The following MSI2 variants were observed in gnomAD, a reference collection of about 807,000 sequenced individuals.
The protein encoded by MSI2 is musashi RNA binding protein 2.
A neutral mutation model predicts 45.6 loss-of-function variants in MSI2; 17 were observed. The observed-to-expected ratio is 0.37, with a 90% CI of 0.26 to 0.56. MSI2 has a LOEUF of 0.56. MSI2 is among the 20% of genes least tolerant of loss of function. The probability of loss-of-function intolerance (pLI) is 0.77; values close to 1 mark genes in which losing one functional copy is unlikely to be tolerated. For synonymous variants in MSI2, 156 were observed against 158.2 expected (o/e 0.99, Z 0.11); for missense variants, 293 against 444.2 (o/e 0.66, Z 3.06).
chr17:57,674,807 G>A (rs1913099875), intron 11 of MSI2, 165 bp from the exon 12 acceptor site: 1 of 1,010,680 alleles, frequency 9.9e-7, no homozygotes, highest in South Asian at 1.6e-5. Context: ...CATGGCCTTG[G>A]TTGAGTGTTA....
chr17:57,458,211 T>C (rs1054364394), intron 6 of MSI2, among the ~76,000 whole-genome samples: 3 of 151,692 alleles, frequency 2.0e-5, no homozygotes, highest in African/African-American at 7.3e-5. Flanking sequence ...CGCCATTCTC[T>C]TGCCTCAGCC....
intron 5 of MSI2, among the ~76,000 whole-genome samples, chr17:57,282,477 A>G (rs1181772850): frequency 6.6e-6 from 1 of 152,124 alleles, no homozygotes; most frequent in African/African-American, 2.4e-5. Context: ...TCTTGCTGAG[A>G]TGATAAAGAA....
chr17:57,622,425 C>T (rs961398224), intron 9 of MSI2, among the ~76,000 whole-genome samples: 3 of 152,212 alleles, frequency 2.0e-5, no homozygotes, highest in Non-Finnish European at 2.9e-5. Flanking sequence ...TTCTTGGCCT[C>T]GTTGGGCACA....
intron 6 of MSI2, among the ~76,000 whole-genome samples, chr17:57,517,940 A>C (rs2086504939): frequency 6.6e-6 from 1 of 152,176 alleles, no homozygotes; most frequent in African/African-American, 2.4e-5. Context: ...CATTCTAAAC[A>C]CACATTTTTT....
intron 8 of MSI2, among the ~76,000 whole-genome samples, chr17:57,613,775 G>T (rs1907404244): frequency 6.6e-6 from 1 of 152,198 alleles, no homozygotes; most frequent in Non-Finnish European, 1.5e-5. Context: ...GTTTTGGGAT[G>T]CTCATCTCTT....
chr17:57,304,837 C>T (rs184434755), intron 5 of MSI2, among the ~76,000 whole-genome samples: 233 of 152,252 alleles, frequency 1.5e-3, no homozygotes, highest in Non-Finnish European at 2.6e-3. Context: ...AACCTCTGGA[C>T]CCTCTCCTAA....
At chr17:57,424,777 T>C (rs944639458) in intron 6 of MSI2, among the ~76,000 whole-genome samples, 1 of 152,128 alleles carries the variant, frequency 6.6e-6, no homozygotes, top group African/African-American at 2.4e-5. Flanking sequence ...CCTCTGTGCC[T>C]GATGACTCTA....
At chr17:57,659,589 C>T (rs1911851377) in intron 11 of MSI2, among the ~76,000 whole-genome samples, 1 of 152,132 alleles carries the variant, frequency 6.6e-6, no homozygotes, top group Non-Finnish European at 1.5e-5. Flanking sequence ...GAGAGCAAGG[C>T]TTTGGTTAAA....
At chr17:57,367,672 CTACCTGCAAGG>C (rs911433926) in intron 5 of MSI2, among the ~76,000 whole-genome samples, 12 of 152,208 alleles carry the variant, frequency 7.9e-5, no homozygotes, top group African/African-American at 2.9e-4. Flanking sequence ...TCTTAAATCC[CTACCTGCAAGG>C]TACCCTTAAT....
At chr17:57,673,132 C>T (rs1000873055) in intron 11 of MSI2, among the ~76,000 whole-genome samples, 4 of 152,358 alleles carry the variant, frequency 2.6e-5, no homozygotes, top group Non-Finnish European at 4.4e-5. Context: ...GAGCCAGGCC[C>T]AGCTTGATTT....
chr17:57,360,548 C>T (rs1346435254), intron 5 of MSI2, among the ~76,000 whole-genome samples: 1 of 152,228 alleles, frequency 6.6e-6, no homozygotes, highest in East Asian at 1.9e-4. Context: ...AGCATCTCAA[C>T]TCATTTAATC....
chr17:57,674,566 A>T (rs1913080861), intron 11 of MSI2, among the ~76,000 whole-genome samples: 1 of 151,976 alleles, frequency 6.6e-6, no homozygotes, highest in Non-Finnish European at 1.5e-5. Flanking sequence ...CCAGATCTAG[A>T]AGACTGCATG....
At chr17:57,350,556 G>A (rs921573158) in intron 5 of MSI2, among the ~76,000 whole-genome samples, 8 of 152,052 alleles carry the variant, frequency 5.3e-5, no homozygotes, top group Non-Finnish European at 8.8e-5. Flanking sequence ...CCCCAGCAGG[G>A]TCATTTCTCC....
chr17:57,693,777 G>T, the MSI2 span, among the ~76,000 whole-genome samples: 1 of 152,152 alleles, frequency 6.6e-6, no homozygotes, highest in African/African-American at 2.4e-5. Flanking sequence ...CATGACTTTT[G>T]ATTGAAAGCA....
In MSI2 at chr17:57,280,473, CA is replaced by C. The variant is rs2143370103; in HGVS notation, c.312+18282del. On this transcript the variant is annotated intron_variant, in intron 5 of 13. Coordinates refer to ENST00000284073, the MANE Select transcript of MSI2 (RefSeq NM_138962.4). This position sits in a 1 kb window ranked among gnomAD's most constrained non-coding sequence, Gnocchi z 4.2. ...TTTGAGATGCATCTGAGAATTGGAG[CA>C]GCAGCTTGGTGGTTTGGTTAGTTGA... Among the ~76,000 whole-genome samples, 5 of 152,178 alleles carry C rather than the reference CA, an allele frequency of 3.3e-5. No individual in the cohort carries two copies. The South Asian group carries it at 1.0e-3, about 32-fold the overall frequency.
Position 57,416,016 on chromosome 17 carries a change from A to C in MSI2, c.405+14545A>C, listed in dbSNP as rs150340516. ...AGGCAAAGAAATGTTGTAGTAGGAG[A>C]AACAGCATGCAGGGGAAGCAAATGT... On this transcript the variant is annotated intron_variant, in intron 6 of 13. Coordinates refer to ENST00000284073, the MANE Select transcript of MSI2 (RefSeq NM_138962.4). 3.9e-5 allele frequency among the ~76,000 whole-genome samples: 6 copies of C among 152,334 alleles called. No homozygotes were observed. The East Asian group carries it at 1.2e-3, about 29-fold the overall frequency.
intron 5 of MSI2, among the ~76,000 whole-genome samples, chr17:57,353,228 A>G (rs1598159748): frequency 6.6e-6 from 1 of 152,176 alleles, no homozygotes; most frequent in East Asian, 1.9e-4. Context: ...TCCCCAGACC[A>G]TTATCGGAGT....
intron 11 of MSI2, among the ~76,000 whole-genome samples, chr17:57,661,125 G>A (rs1362882232): frequency 6.6e-6 from 1 of 152,210 alleles, no homozygotes; most frequent in African/African-American, 2.4e-5. Flanking sequence ...TTATCCATAA[G>A]ACGATTAACT....
At chr17:57,584,053 G>C (rs1274170515) in intron 7 of MSI2, among the ~76,000 whole-genome samples, 1 of 152,194 alleles carries the variant, frequency 6.6e-6, no homozygotes, top group Non-Finnish European at 1.5e-5. Flanking sequence ...CAGCTCCCTG[G>C]TGGTGTGGAT....
Sources: gnomAD v4.1 joint callset for allele counts (sites outside exome capture counted in the v4.1 genomes callset) on GRCh38, gnomAD v4.1.1 for gene constraint, Gnocchi (gnomAD v3.1) non-coding constraint, MANE v1.5 for transcripts, NCBI Gene and HGNC (gene_info 2026-07-23, HGNC 2026-07-21) for gene names.